SLC9B2: variants seen among roughly 807,000 people sequenced by gnomAD.
The protein encoded by SLC9B2 is sodium/hydrogen exchanger 9B2.
Under a neutral mutation model 52.2 loss-of-function variants are expected in SLC9B2, and 39 were observed. The observed-to-expected ratio is 0.75, with a 90% CI of 0.58 to 0.98. The LOEUF (loss-of-function observed/expected upper bound fraction) is 0.98, where lower values mean the gene tolerates loss of function less well. Among genes scored for constraint, SLC9B2 ranks in the 50% least tolerant of loss-of-function variants. The pLI is 0.00. For missense variants in SLC9B2, 626 were observed against 637.5 expected (o/e 0.98, Z 0.19); for synonymous variants, 214 against 227.0 (o/e 0.94, Z 0.51).
At chr4:103,072,217 C>A (rs886095850) in intron 1 of SLC9B2, among the ~76,000 whole-genome samples, 2 of 152,014 alleles carry the variant, frequency 1.3e-5, no homozygotes, top group African/African-American at 2.4e-5. Flanking sequence ...GGCCACCATG[C>A]CCAGCTACTT....
At chr4:103,059,130 A>G (rs1745410312) in intron 3 of SLC9B2, among the ~76,000 whole-genome samples, 1 of 152,158 alleles carries the variant, frequency 6.6e-6, no homozygotes, top group African/African-American at 2.4e-5. Flanking sequence ...TAAAAATTGA[A>G]AAGTTTATGG....
At position 103,022,657 on chromosome 4, in the gene SLC9B2, C is replaced by T. The variant is rs968638655; in HGVS notation, c.*3713G>A. On this transcript the variant is annotated 3_prime_UTR_variant, in exon 12 of 12. Coordinates refer to ENST00000394785, the MANE Select transcript of SLC9B2 (RefSeq NM_178833.7). ...AAATTTTGAGGACATCAAGATCAAT[C>T]AAGGTGATTGGGAGTTAATACCAGA... 6.6e-6 allele frequency among the ~76,000 whole-genome samples: 1 copy of T among 152,138 alleles called. No individual in the cohort carries two copies. Among genetic ancestry groups the T allele is most frequent in the Non-Finnish European group, 1.5e-5 (1 of 68,018 alleles).
chr4:103,061,685 G>C, intron 3 of SLC9B2, among the ~76,000 whole-genome samples: 1 of 152,092 alleles, frequency 6.6e-6, no homozygotes. Flanking sequence ...AGTTCCCTGA[G>C]GTTTGGTAGA....
At chr4:103,069,130 A>G (rs1746400730) in intron 1 of SLC9B2, among the ~76,000 whole-genome samples, 1 of 152,184 alleles carries the variant, frequency 6.6e-6, no homozygotes, top group African/African-American at 2.4e-5. Flanking sequence ...TAAAAAACTT[A>G]TTTCAAAATT....
chr4:103,061,276 T>C (rs902617815), intron 3 of SLC9B2, among the ~76,000 whole-genome samples: 1 of 152,138 alleles, frequency 6.6e-6, no homozygotes, highest in Non-Finnish European at 1.5e-5. Flanking sequence ...CCAACAATGA[T>C]AGACTGGATT....
At chr4:103,061,000 T>C (rs1315549785) in intron 3 of SLC9B2, among the ~76,000 whole-genome samples, 1 of 152,186 alleles carries the variant, frequency 6.6e-6, no homozygotes, top group African/African-American at 2.4e-5. Flanking sequence ...TTCAACTTTA[T>C]ATGGGTGAAG....
chr4:103,029,865 G>T (rs1742544680), intron 10 of SLC9B2, among the ~76,000 whole-genome samples: 1 of 152,124 alleles, frequency 6.6e-6, no homozygotes, highest in Non-Finnish European at 1.5e-5. Flanking sequence ...AAAACCAGAA[G>T]CTCAGAAAGG....
intron 9 of SLC9B2, among the ~76,000 whole-genome samples, chr4:103,040,884 C>A (rs571264194): frequency 1.6e-4 from 24 of 152,298 alleles, no homozygotes; most frequent in African/African-American, 5.8e-4. Flanking sequence ...CGTGCAAATT[C>A]TCAAGCCCCA....
At chr4:103,028,141 T>G (rs1351826518) in intron 11 of SLC9B2, among the ~76,000 whole-genome samples, 2 of 152,158 alleles carry the variant, frequency 1.3e-5, no homozygotes, top group African/African-American at 4.8e-5. Context: ...ATAGCTTTAT[T>G]TATCACGTTT....
chr4:103,026,705 A>C (rs1398312297), intron 11 of SLC9B2, 114 bp from the exon 12 acceptor site: 1 of 928,618 alleles, frequency 1.1e-6, no homozygotes, highest in Non-Finnish European at 1.6e-6. Flanking sequence ...CAACTAAGAA[A>C]GTTGTAAGCA....
chr4:103,046,666 T>A (rs766050372), intron 7 of SLC9B2, among the ~76,000 whole-genome samples: 3 of 148,112 alleles, frequency 2.0e-5, no homozygotes, highest in Non-Finnish European at 4.5e-5. Context: ...GTGTGAAGTC[T>A]CCACACATCT....
In SLC9B2 at chr4:103,069,215, C is replaced by A. The variant is rs186765067; in HGVS notation, c.-42-1623G>T. ...AACACTTGTCTTAAAGGCATGGAGA[C>A]ATGAAAGCCAGTGGTGTGTGAGGGG... On this transcript the variant is annotated intron_variant, in intron 1 of 11. Coordinates refer to ENST00000394785, the MANE Select transcript of SLC9B2 (RefSeq NM_178833.7). Among the ~76,000 whole-genome samples, 56 of 152,230 alleles carry A rather than the reference C, an allele frequency of 3.7e-4. 1 individual carries two copies. The highest frequency in any genetic ancestry group is 2.4e-3 in the Admixed American group (36 of 15,288).
chr4:103,027,121 T>C (rs763153988), intron 11 of SLC9B2, among the ~76,000 whole-genome samples: 2 of 152,262 alleles, frequency 1.3e-5, no homozygotes, highest in African/African-American at 4.8e-5. Flanking sequence ...CTGTGTAAGG[T>C]AGGGTTACAT....
intron 1 of SLC9B2, among the ~76,000 whole-genome samples, chr4:103,073,080 G>A (rs537866925): frequency 6.6e-6 from 1 of 152,302 alleles, no homozygotes; most frequent in African/African-American, 2.4e-5. Flanking sequence ...GATCAAGTGT[G>A]TAACAGACAT....
At chr4:103,043,612 G>A (rs1181011921) in intron 8 of SLC9B2, among the ~76,000 whole-genome samples, 167 bp from the exon 9 acceptor site, 1 of 152,140 alleles carries the variant, frequency 6.6e-6, no homozygotes, top group Non-Finnish European at 1.5e-5. Context: ...TTAAACAAAA[G>A]CAGAGTTAGC....
rs772932024 is a variant in SLC9B2, at chr4:103,044,932, A to G, written c.954T>C (p.Ser318=). The part of the protein sequence containing the change: ...LEVVIGVATG[S]VLGFFIQYFP... The stretch of plus-strand genomic sequence containing the variant: ...AGTACTGAATGAAAAATCCAAGAAC[A>G]GATCCAGTTGCCACACCAATTACCA... Residue 318 remains serine (S), a synonymous_variant, in exon 8 of 12, where the codon TCT becomes TCC. Transcript: ENST00000394785. 8 of 1,614,008 alleles carry G rather than the reference A, an allele frequency of 5.0e-6. No individual in the cohort carries two copies. The Admixed American group carries it at 1.3e-4, about 27-fold the overall frequency.
intron 5 of SLC9B2, among the ~76,000 whole-genome samples, chr4:103,050,018 A>G (rs139313592): frequency 0.011 from 1,714 of 152,158 alleles, 31 homozygotes; most frequent in African/African-American, 0.035. Context: ...GTCTCAAAAA[A>G]AAAAAAAAAG....
chr4:103,020,420 G>A, downstream of SLC9B2: 1 of 417,106 alleles, frequency 2.4e-6, no homozygotes. Context: ...TGTTATTGGA[G>A]AAAGTGTAAA....
At chr4:103,067,434 C>A in intron 2 of SLC9B2, 27 bp downstream of exon 2, 3 of 1,588,528 alleles carry the variant, frequency 1.9e-6, no homozygotes, top group Non-Finnish European at 2.6e-6. Flanking sequence ...ATGAAGAAAA[C>A]ACAATTCTAT....
Sources: gnomAD v4.1 joint callset for allele counts (sites outside exome capture counted in the v4.1 genomes callset) on GRCh38, gnomAD v4.1.1 for gene constraint, MANE v1.5 for transcripts, NCBI Gene and HGNC (gene_info 2026-07-23, HGNC 2026-07-21) for gene names.